Variants in CALCRL observed in about 807,000 individuals in gnomAD.
CALCRL encodes the protein calcitonin gene-related peptide type 1 receptor.
A neutral mutation model predicts 60.4 loss-of-function variants in CALCRL; 27 were observed. That is an observed-to-expected ratio of 0.45 (90% CI 0.33 to 0.62). The LOEUF is 0.62. CALCRL is among the 20% of genes least tolerant of loss of function. The pLI, the probability that CALCRL is intolerant of heterozygous loss-of-function variation, is 0.03. For synonymous variants in CALCRL, 190 were observed against 182.6 expected, an observed-to-expected ratio of 1.04 and a Z score of -0.33; for missense variants, 424 against 540.7, an observed-to-expected ratio of 0.78 and a Z score of 2.14.
intron 1 of CALCRL, among the ~76,000 whole-genome samples, chr2:187,434,200 C>G (rs1422047214): frequency 6.6e-6 from 1 of 151,988 alleles, no homozygotes; most frequent in Non-Finnish European, 1.5e-5. Flanking sequence ...CATACATATC[C>G]AATTTTAAAA....
rs192592101 is a variant in CALCRL, at chr2:187,365,262, A to T, written c.501-1760T>A. Among the ~76,000 whole-genome samples the T allele has an allele frequency of 2.0e-5, 3 of 152,258 alleles. No individual in the cohort carries two copies. In the East Asian group the frequency reaches 5.8e-4, roughly 29 times the overall value. On this transcript the variant is annotated intron_variant, in intron 8 of 14. Transcript: ENST00000392370. ...ATAATGTTCTTTTCAAATCAGTTAT[A>T]TTATGTGTGGTTTATTTCTGTCATT... is the stretch of plus-strand genomic sequence containing the variant.
At chr2:187,413,177 T>C (rs546080770) in intron 1 of CALCRL, among the ~76,000 whole-genome samples, 29 of 151,104 alleles carry the variant, frequency 1.9e-4, no homozygotes, top group African/African-American at 6.6e-4. Flanking sequence ...TTAAAGAAAA[T>C]GTAGGAGAAA....
chr2:187,370,504 G>T (rs1319438407), intron 8 of CALCRL, among the ~76,000 whole-genome samples: 1 of 152,070 alleles, frequency 6.6e-6, no homozygotes, highest in Non-Finnish European at 1.5e-5. Context: ...AGCTCAAACA[G>T]AAAAGATTAA....
At chr2:187,443,475 C>T (rs1691023173) in intron 1 of CALCRL, among the ~76,000 whole-genome samples, 1 of 151,634 alleles carries the variant, frequency 6.6e-6, no homozygotes, top group South Asian at 2.1e-4. Flanking sequence ...ATTTTGGGTT[C>T]TTATGTGGAT....
intron 1 of CALCRL, among the ~76,000 whole-genome samples, chr2:187,395,745 T>C (rs922018847): frequency 6.6e-6 from 1 of 151,922 alleles, no homozygotes; most frequent in Non-Finnish European, 1.5e-5. Flanking sequence ...AACTCATTCA[T>C]GAGGTTCTAG....
At chr2:187,426,132 G>C (rs1039903924) in intron 1 of CALCRL, among the ~76,000 whole-genome samples, 1 of 151,600 alleles carries the variant, frequency 6.6e-6, no homozygotes, top group Non-Finnish European at 1.5e-5. Context: ...AAAAAAAAAG[G>C]AATAAAGGTA....
chr2:187,352,877 T>C (rs757593718), intron 12 of CALCRL, among the ~76,000 whole-genome samples: 2 of 151,930 alleles, frequency 1.3e-5, no homozygotes, highest in Non-Finnish European at 2.9e-5. Flanking sequence ...AATCCTCTTT[T>C]ACTTATGAGG....
chr2:187,361,453 C>T (rs1002414469), intron 9 of CALCRL, among the ~76,000 whole-genome samples: 1 of 151,742 alleles, frequency 6.6e-6, no homozygotes, highest in East Asian at 1.9e-4. Flanking sequence ...TAAAGCTTTC[C>T]CAAAAATACA....
chr2:187,364,109 T>TA (rs1687174858), intron 8 of CALCRL, among the ~76,000 whole-genome samples: 1 of 152,102 alleles, frequency 6.6e-6, no homozygotes, highest in Non-Finnish European at 1.5e-5. Flanking sequence ...ATATATAAGG[T>TA]AAAAATAGTA....
chr2:187,370,151 C>T (rs1404146531), intron 8 of CALCRL, among the ~76,000 whole-genome samples: 5 of 152,244 alleles, frequency 3.3e-5, no homozygotes, highest in Middle Eastern at 3.4e-3. Flanking sequence ...TGGTTTTTGA[C>T]ATCTTAATGT....
At chr2:187,372,758 T>A (rs544585217) in intron 8 of CALCRL, among the ~76,000 whole-genome samples, 17 of 152,308 alleles carry the variant, frequency 1.1e-4, no homozygotes, top group Middle Eastern at 3.4e-3. Flanking sequence ...AAGGATCTGC[T>A]AATAGTATTT....
At chr2:187,386,051 C>T (rs1251543521) in intron 3 of CALCRL, among the ~76,000 whole-genome samples, 1 of 152,022 alleles carries the variant, frequency 6.6e-6, no homozygotes, top group Admixed American at 6.6e-5. Context: ...TGTTTAAGAA[C>T]ATTATGGTGT....
rs1197522725 is a variant in CALCRL, at chr2:187,369,457, GTAT to G, written c.501-5958_501-5956del. Among the ~76,000 whole-genome samples, 3 of 152,096 alleles carry G rather than the reference GTAT, an allele frequency of 2.0e-5. No individual in the cohort carries two copies. In the East Asian group the frequency reaches 5.8e-4, roughly 29 times the overall value. On this transcript the variant is annotated intron_variant, in intron 8 of 14. Coordinates refer to ENST00000392370, the MANE Select transcript of CALCRL (RefSeq NM_005795.6). ...CTATCATATTTAACAACTCCTTGAA[GTAT>G]TATTGTCTTTTAATAAAATGGAGGT... is the stretch of plus-strand genomic sequence containing the variant.
At chr2:187,365,600 A>G (rs984920769) in intron 8 of CALCRL, among the ~76,000 whole-genome samples, 10 of 152,226 alleles carry the variant, frequency 6.6e-5, no homozygotes, top group African/African-American at 1.2e-4. Context: ...TTTTAAAACT[A>G]TGACGAAAAG....
chr2:187,367,256 C>T (rs1352444985), intron 8 of CALCRL, among the ~76,000 whole-genome samples: 1 of 152,046 alleles, frequency 6.6e-6, no homozygotes, highest in Non-Finnish European at 1.5e-5. Flanking sequence ...ATTCTGATAT[C>T]CAGTTTAGCT....
At chr2:187,398,811 A>G (rs1198053465) in intron 1 of CALCRL, among the ~76,000 whole-genome samples, 2 of 151,632 alleles carry the variant, frequency 1.3e-5, no homozygotes, top group East Asian at 3.9e-4. Flanking sequence ...CATCCTTCCT[A>G]TCATACAGAG....
chr2:187,376,068 C>A (rs1427660051), intron 8 of CALCRL, among the ~76,000 whole-genome samples: 1 of 152,100 alleles, frequency 6.6e-6, no homozygotes, highest in Non-Finnish European at 1.5e-5. Context: ...CTCTTTCATT[C>A]TAATCCTCTT....
At chr2:187,435,528 T>C (rs1690598322) in intron 1 of CALCRL, among the ~76,000 whole-genome samples, 1 of 152,176 alleles carries the variant, frequency 6.6e-6, no homozygotes. Context: ...ATCCAAACTA[T>C]ATCAGTATGG....
intron 10 of CALCRL, among the ~76,000 whole-genome samples, chr2:187,360,057 A>G (rs1686981715): frequency 6.6e-6 from 1 of 152,060 alleles, no homozygotes; most frequent in Admixed American, 6.6e-5. Flanking sequence ...GTTATTTTTA[A>G]TATGTCAGAA....
Sources: allele counts gnomAD v4.1 joint callset (sites outside exome capture counted in the v4.1 genomes callset), GRCh38; gene constraint gnomAD v4.1.1; transcripts MANE v1.5; gene names NCBI Gene and HGNC (gene_info 2026-07-23, HGNC 2026-07-21).